BIN2: variants seen among roughly 807,000 people sequenced by gnomAD.
The protein encoded by BIN2 is breast cancer associated protein BRAP1.
A neutral mutation model predicts 67.9 loss-of-function variants in BIN2; 43 were observed. That is an observed-to-expected ratio of 0.63 (90% CI 0.50 to 0.82). The LOEUF is 0.82. Among genes scored for constraint, BIN2 ranks in the 40% least tolerant of loss-of-function variants. The pLI, the probability that BIN2 is intolerant of heterozygous loss-of-function variation, is 0.00. For synonymous variants in BIN2, 244 were observed against 246.8 expected, an observed-to-expected ratio of 0.99 and a Z score of 0.11; for missense variants, 581 against 671.6, an observed-to-expected ratio of 0.87 and a Z score of 1.49.
Position 51,313,873 on chromosome 12 carries a change from T to C in BIN2, c.112A>G (p.Thr38Ala). 2 of 1,614,078 alleles carry C rather than the reference T, an allele frequency of 1.2e-6. No homozygotes were observed. Among genetic ancestry groups the C allele is most frequent in the Non-Finnish European group, 1.7e-6 (2 of 1,179,936 alleles). Residue 38 changes from threonine to alanine, a missense_variant, in exon 2 of 13, where the codon ACC becomes GCC. Coordinates refer to ENST00000615107, the MANE Select transcript of BIN2 (RefSeq NM_016293.4). Reference sequence around the variant, plus strand: ...CTTTGTTCAAATCGTTCATCTTTGGTTTCTACAGCTTTCCCCAATTTCTGC... The same window carrying C: ...CTTTGTTCAAATCGTTCATCTTTGGCTTCTACAGCTTTCCCCAATTTCTGC... ...VLQKLGKAVETKDERFEQSAS... is the reference protein window; with the variant it reads ...VLQKLGKAVEAKDERFEQSAS...
At chr12:51,301,626 G>T (rs1408483228) in intron 5 of BIN2, among the ~76,000 whole-genome samples, 1 of 151,944 alleles carries the variant, frequency 6.6e-6, no homozygotes, top group Non-Finnish European at 1.5e-5. Flanking sequence ...CTTCACCTCA[G>T]TCTCCTAGGG....
At chr12:51,282,345 C>T (rs1945137168) in intron 12 of BIN2, among the ~76,000 whole-genome samples, 1 of 152,082 alleles carries the variant, frequency 6.6e-6, no homozygotes, top group African/African-American at 2.4e-5. Flanking sequence ...GGTCCCATAA[C>T]ATTTTAATGG....
chr12:51,322,006 G>C (rs1344177158), intron 1 of BIN2, among the ~76,000 whole-genome samples: 1 of 152,172 alleles, frequency 6.6e-6, no homozygotes, highest in African/African-American at 2.4e-5. Context: ...CTTTTGTCTA[G>C]TCTAGGTTCA....
chr12:51,302,094 C>A lies in BIN2; in HGVS notation c.334G>T (p.Asp112Tyr). The A allele has an allele frequency of 6.2e-7, 1 of 1,612,880 alleles. No individual in the cohort carries two copies. The highest frequency in any genetic ancestry group is 1.1e-5 in the South Asian group (1 of 91,060). The change falls in exon 5 of 13, where the codon GAC (aspartate) becomes TAC (tyrosine). Residue 112 changes from aspartate to tyrosine, a missense_variant. Coordinates refer to ENST00000615107, the MANE Select transcript of BIN2 (RefSeq NM_016293.4). ...TGGTCAGCCAGTTTCTCCTCGTAGT[C>A]TTCCCAAAGGAGATCATTATTCTGT... ...IVWNNDLLWE[D>Y]YEEKLADQAV...
Position 51,324,042 on chromosome 12 carries a change from A to C in BIN2, c.61T>G (p.Phe21Val). Reference protein sequence around the residue: ...GLFAKQVQKKFSRAQEKVLQK... With the variant: ...GLFAKQVQKKVSRAQEKVLQK... The stretch of plus-strand genomic sequence containing the variant: ...CCTACCTTCTCCTGGGCCCTGCTAA[A>C]CTTCTTCTGCACCTGCTTGGCGAAG... Residue 21 changes from phenylalanine to valine, a missense_variant, in exon 1 of 13, where the codon TTT becomes GTT. By Grantham distance (50) the Phe-to-Val change is conservative (BLOSUM62 -1). Coordinates refer to ENST00000615107, the MANE Select transcript of BIN2 (RefSeq NM_016293.4). 1 of 1,613,404 alleles carries C rather than the reference A, an allele frequency of 6.2e-7. No individual in the cohort carries two copies. The highest frequency in any genetic ancestry group is 8.5e-7 in the Non-Finnish European group (1 of 1,179,646).
In BIN2 at chr12:51,281,511, A is replaced by G. The variant is rs764416524; in HGVS notation, c.1686T>C (p.Asn562=). ...EPQEEVSTSE[N]PQL is the part of the protein sequence containing the mutation. ...TGGTAGTTTCTCTTCAGAGTTGTGG[A>G]TTTTCACTTGTGGATACCTGGAAAG... Residue 562 remains asparagine, a synonymous_variant, in exon 13 of 13, where the codon AAT becomes AAC. Transcript: ENST00000615107. The G allele has an allele frequency of 2.5e-6, 4 of 1,614,018 alleles. No individual in the cohort carries two copies. Among genetic ancestry groups the G allele is most frequent in the African/African-American group, 1.3e-5 (1 of 74,980 alleles).
At chr12:51,295,574 AAAAATATATATATATATATAT>A (rs1945529177) in intron 9 of BIN2, among the ~76,000 whole-genome samples, 1 of 16,612 alleles carries the variant, frequency 6.0e-5, no homozygotes, top group Admixed American at 1.1e-3. Context: ...AAAAAAAAAA[AAAAATATATATATATATATAT>A]ATATATATAT....
At chr12:51,320,168 A>G (rs1946234460) in intron 1 of BIN2, among the ~76,000 whole-genome samples, 1 of 151,980 alleles carries the variant, frequency 6.6e-6, no homozygotes, top group South Asian at 2.1e-4. Flanking sequence ...TTTGGTAGAG[A>G]TGGGATTTCG....
chr12:51,323,656 A>G (rs1946348961), intron 1 of BIN2, among the ~76,000 whole-genome samples: 1 of 152,234 alleles, frequency 6.6e-6, no homozygotes, highest in Admixed American at 6.5e-5. Context: ...TCATCTGTAA[A>G]ATACCAATTT....
intron 2 of BIN2, among the ~76,000 whole-genome samples, chr12:51,306,246 G>A (rs181620820): frequency 1.3e-5 from 2 of 152,260 alleles, no homozygotes; most frequent in Non-Finnish European, 2.9e-5. Context: ...AGTCTTAAAG[G>A]AGTGAAAGGC....
intron 9 of BIN2, among the ~76,000 whole-genome samples, chr12:51,295,180 A>G (rs1291405691): frequency 2.0e-5 from 3 of 151,986 alleles, no homozygotes; most frequent in Middle Eastern, 3.2e-3. Context: ...CCTGATCTCA[A>G]GTAATTCTCC....
intron 3 of BIN2, 145 bp downstream of exon 3, chr12:51,302,942 T>C (rs1945768477): frequency 8.7e-7 from 1 of 1,147,604 alleles, no homozygotes; most frequent in East Asian, 2.4e-5. Flanking sequence ...AAAGTCACTC[T>C]TCCTCAGCCC....
At chr12:51,294,200 A>G (rs1945470012) in intron 9 of BIN2, among the ~76,000 whole-genome samples, 1 of 152,230 alleles carries the variant, frequency 6.6e-6, no homozygotes, top group South Asian at 2.1e-4. Context: ...AAAAAATCTT[A>G]CAAACAACAC....
At chr12:51,298,205 C>G (rs939322418) in intron 7 of BIN2, among the ~76,000 whole-genome samples, 1 of 152,198 alleles carries the variant, frequency 6.6e-6, no homozygotes, top group Non-Finnish European at 1.5e-5. Context: ...AACCCCATCT[C>G]TACTAAAATA....
chr12:51,288,271 C>T lies in BIN2; in HGVS notation c.1516-83G>A. On this transcript the variant is annotated intron_variant, in intron 10 of 12. Coordinates refer to ENST00000615107, the MANE Select transcript of BIN2 (RefSeq NM_016293.4). ...TCCCTGTGCCCTTGGTCCATATTAG[C>T]TCCTCTCAGATATCAGGAGGCTCCC... 2.6e-6 allele frequency: 3 copies of T among 1,135,746 alleles called. No homozygotes were observed. In the South Asian group the frequency reaches 3.8e-5, roughly 14 times the overall value. 70.4% of individuals were successfully genotyped at this position (1,135,746 alleles called of 1,614,324 possible). A position where few individuals can be genotyped will look rare whatever the true frequency, so the allele number is the denominator to read the frequency against.
chr12:51,306,866 A>ACATG (rs1433774654), intron 2 of BIN2, among the ~76,000 whole-genome samples: 8 of 152,218 alleles, frequency 5.3e-5, no homozygotes, highest in Non-Finnish European at 1.0e-4. Context: ...AGATAGCCTA[A>ACATG]CATGTTAAAT....
intron 1 of BIN2, chr12:51,322,923 G>A (rs1946324244): frequency 6.6e-6 from 1 of 152,086 alleles, no homozygotes; most frequent in Non-Finnish European, 1.5e-5. Context: ...AAATCAACTC[G>A]GGAGAGCTGG....
chr12:51,309,789 C>T (rs1945951987), intron 2 of BIN2, among the ~76,000 whole-genome samples: 1 of 152,168 alleles, frequency 6.6e-6, no homozygotes, highest in Admixed American at 6.6e-5. Context: ...GGGATTGTCC[C>T]ATCAGATCTT....
At chr12:51,307,624 G>A (rs11832572) in intron 2 of BIN2, among the ~76,000 whole-genome samples, 181 of 151,550 alleles carry the variant, frequency 1.2e-3, no homozygotes, top group African/African-American at 4.2e-3. Flanking sequence ...CAGGAGAATC[G>A]CTTGAACCCG....
Sources: gnomAD v4.1 joint callset for allele counts (sites outside exome capture counted in the v4.1 genomes callset) on GRCh38, gnomAD v4.1.1 for gene constraint, MANE v1.5 for transcripts, NCBI Gene and HGNC (gene_info 2026-07-23, HGNC 2026-07-21) for gene names.